ZNF385B: variants seen among roughly 807,000 people sequenced by gnomAD.
ZNF385B encodes the protein zinc finger protein 533.
Under a neutral mutation model 39.2 loss-of-function variants are expected in ZNF385B, and 23 were observed. The observed-to-expected ratio is 0.59, with a 90% CI of 0.42 to 0.83. The LOEUF (loss-of-function observed/expected upper bound fraction) is 0.83. Ranked by LOEUF, ZNF385B falls within the 40% of genes least tolerant of loss-of-function variation. The pLI is 0.00. For missense variants in ZNF385B, 552 were observed against 598.9 expected (o/e 0.92, Z 0.82); for synonymous variants, 205 against 222.6 (o/e 0.92, Z 0.70).
At chr2:179,835,918 C>G (rs1708223433) in intron 1 of ZNF385B, among the ~76,000 whole-genome samples, 1 of 152,144 alleles carries the variant, frequency 6.6e-6, no homozygotes, top group Non-Finnish European at 1.5e-5. Flanking sequence ...ATGAGATACA[C>G]CCTCTTCACA....
Position 179,824,703 on chromosome 2 carries a change from T to C in ZNF385B, c.-155+36398A>G, listed in dbSNP as rs376328257. 6.4e-4 allele frequency among the ~76,000 whole-genome samples: 98 copies of C among 152,272 alleles called. 1 individual carries two copies. The South Asian group carries it at 0.019, about 30-fold the overall frequency. Reference sequence around the variant, plus strand: ...TTTCATTTCCAAAGCACCATATATTTTGAACACATATGGAAGGGCATATGG... The same window carrying C: ...TTTCATTTCCAAAGCACCATATATTCTGAACACATATGGAAGGGCATATGG... On this transcript the variant is annotated intron_variant, in intron 1 of 9. Transcript: ENST00000410066.
chr2:179,648,559 G>T, intron 3 of ZNF385B, among the ~76,000 whole-genome samples: 1 of 152,042 alleles, frequency 6.6e-6, no homozygotes, highest in Admixed American at 6.6e-5. Flanking sequence ...CAACACCCCC[G>T]AAAACACCCA....
chr2:179,520,065 C>T (rs2058371240), intron 4 of ZNF385B, among the ~76,000 whole-genome samples: 1 of 151,970 alleles, frequency 6.6e-6, no homozygotes, highest in Non-Finnish European at 1.5e-5. Context: ...GGTGCAGGGG[C>T]TTATGCCTAT....
At chr2:179,514,865 G>A (rs1156662752) in intron 5 of ZNF385B, among the ~76,000 whole-genome samples, 3 of 150,508 alleles carry the variant, frequency 2.0e-5, no homozygotes, top group Non-Finnish European at 4.4e-5. Context: ...TGCAACCTCT[G>A]CCACCTGGGT....
At chr2:179,848,684 T>A (rs1434566402) in intron 1 of ZNF385B, among the ~76,000 whole-genome samples, 1 of 152,328 alleles carries the variant, frequency 6.6e-6, no homozygotes, top group African/African-American at 2.4e-5. Flanking sequence ...AATGTTAAAA[T>A]AAATATAGTC....
rs757037261 is a variant in ZNF385B at position 179,847,925 on chromosome 2, A to G, written c.-155+13176T>C. ...AGAGTCTACTTCAACAAAGAAGCCT[A>G]TAACTAGAGTAACTGCTTGGCATAT... On this transcript the variant is annotated intron_variant, in intron 1 of 9. Coordinates refer to ENST00000410066, the MANE Select transcript of ZNF385B (RefSeq NM_152520.6). Among the ~76,000 whole-genome samples, 5 of 152,356 alleles carry G rather than the reference A, an allele frequency of 3.3e-5. No individual in the cohort carries two copies. The South Asian group carries it at 8.3e-4, about 25-fold the overall frequency.
chr2:179,500,846 A>G (rs1037234484), intron 5 of ZNF385B, among the ~76,000 whole-genome samples: 3 of 152,200 alleles, frequency 2.0e-5, no homozygotes, highest in African/African-American at 7.2e-5. Flanking sequence ...TACCTATCTG[A>G]CAAGGGATTA....
chr2:179,748,449 C>T (rs965205386), intron 3 of ZNF385B, among the ~76,000 whole-genome samples: 1 of 152,048 alleles, frequency 6.6e-6, no homozygotes, highest in Non-Finnish European at 1.5e-5. Context: ...TGGGTTATCT[C>T]ACCCTCTTCT....
intron 3 of ZNF385B, among the ~76,000 whole-genome samples, chr2:179,760,970 A>C (rs926781241): frequency 6.6e-6 from 1 of 152,172 alleles, no homozygotes; most frequent in Non-Finnish European, 1.5e-5. Flanking sequence ...TAGCTGTTCA[A>C]TTACTCCAGG....
At chr2:179,458,646 C>T (rs2050969197) in intron 6 of ZNF385B, among the ~76,000 whole-genome samples, 1 of 152,056 alleles carries the variant, frequency 6.6e-6, no homozygotes, top group African/African-American at 2.4e-5. Context: ...TTAAAAAAAC[C>T]TCTTATCTGT....
chr2:179,583,868 C>A, intron 3 of ZNF385B: 1 of 1,285,584 alleles, frequency 7.8e-7, no homozygotes, highest in Non-Finnish European at 1.0e-6. Flanking sequence ...TCAGATCTTA[C>A]TGCCCTCAGT....
intron 4 of ZNF385B, among the ~76,000 whole-genome samples, chr2:179,521,940 ACTTTTTCTT>A: frequency 6.6e-6 from 1 of 152,192 alleles, no homozygotes; most frequent in African/African-American, 2.4e-5. Flanking sequence ...GAAAAGATTC[ACTTTTTCTT>A]CTAGTCTAAA....
Position 179,516,095 on chromosome 2 carries a change from A to G in ZNF385B, c.552+2433T>C, listed in dbSNP as rs908201672. Among the ~76,000 whole-genome samples the G allele has an allele frequency of 1.7e-4, 19 of 114,868 alleles. No homozygotes were observed. The East Asian group carries it at 5.2e-3, about 32-fold the overall frequency. 75.4% of individuals were successfully genotyped at this position (114,868 alleles called of 152,430 possible). A position where few individuals can be genotyped will look rare whatever the true frequency, so the allele number is the denominator to read the frequency against. ...ATTCATCCACATTGTAGCATGTATC[A>G]GTACTTTCTTTTTACTTTTACTTTA... On this transcript the variant is annotated intron_variant, in intron 5 of 9. Transcript: ENST00000410066.
At chr2:179,819,136 T>C (rs1335390305) in intron 1 of ZNF385B, among the ~76,000 whole-genome samples, 2 of 152,002 alleles carry the variant, frequency 1.3e-5, no homozygotes, top group Admixed American at 1.3e-4. Flanking sequence ...TCAAATAAAG[T>C]ATGACTCCGA....
chr2:179,830,643 A>G (rs1707931807), intron 1 of ZNF385B, among the ~76,000 whole-genome samples: 1 of 152,236 alleles, frequency 6.6e-6, no homozygotes, highest in Non-Finnish European at 1.5e-5. Context: ...GATTCAAACT[A>G]TATTACATTC....
At chr2:179,585,432 C>T (rs1276369343) in intron 3 of ZNF385B, among the ~76,000 whole-genome samples, 1 of 152,118 alleles carries the variant, frequency 6.6e-6, no homozygotes, top group East Asian at 1.9e-4. Flanking sequence ...TATTTACTTG[C>T]CTACGGTATG....
At chr2:179,574,816 A>G (rs1296979950) in intron 3 of ZNF385B, among the ~76,000 whole-genome samples, 3 of 152,134 alleles carry the variant, frequency 2.0e-5, no homozygotes, top group Non-Finnish European at 4.4e-5. Flanking sequence ...TTAGGGGGGA[A>G]GGGCTTTACC....
At chr2:179,499,235 A>G (rs1344783193) in intron 5 of ZNF385B, among the ~76,000 whole-genome samples, 1 of 151,980 alleles carries the variant, frequency 6.6e-6, no homozygotes, top group Non-Finnish European at 1.5e-5. Flanking sequence ...GATTCTACCA[A>G]ACATTGAAAG....
chr2:179,559,061 T>C (rs1026782824), intron 3 of ZNF385B, among the ~76,000 whole-genome samples: 2 of 152,180 alleles, frequency 1.3e-5, no homozygotes, highest in Admixed American at 1.3e-4. Flanking sequence ...GGATTAGAAT[T>C]AGTACGAATT....
Sources: allele counts gnomAD v4.1 joint callset (sites outside exome capture counted in the v4.1 genomes callset), GRCh38; gene constraint gnomAD v4.1.1; transcripts MANE v1.5; gene names NCBI Gene and HGNC (gene_info 2026-07-23, HGNC 2026-07-21).